Variants in SLC38A11 observed in about 807,000 individuals in gnomAD.
The protein encoded by SLC38A11 is solute carrier family 38 member 11.
A neutral mutation model predicts 49.4 loss-of-function variants in SLC38A11; 51 were observed. The ratio of observed to expected loss-of-function variants is 1.03; its 90% CI spans 0.83 to 1.30. The LOEUF (loss-of-function observed/expected upper bound fraction) is 1.30, where lower values mean the gene tolerates loss of function less well. Ranked by LOEUF, SLC38A11 falls within the 50% of genes most tolerant of loss-of-function variation. The probability of loss-of-function intolerance (pLI) is 0.00; values close to 1 mark genes in which losing one functional copy is unlikely to be tolerated. For synonymous variants in SLC38A11, 203 were observed against 192.9 expected (o/e 1.05, Z -0.43); for missense variants, 574 against 556.2 (o/e 1.03, Z -0.32).
intron 1 of SLC38A11, 81 bp downstream of exon 1, chr2:164,955,128 A>AGGTAGGTGAC: frequency 4.5e-6 from 6 of 1,329,572 alleles, no homozygotes; most frequent in Non-Finnish European, 6.3e-6. Context: ...GCCCAGGTGA[A>AGGTAGGTGAC]GGTAGGTGAC....
intron 3 of SLC38A11, among the ~76,000 whole-genome samples, chr2:164,946,591 A>G (rs1461301092): frequency 1.3e-5 from 2 of 149,200 alleles, no homozygotes; most frequent in South Asian, 4.2e-4. Flanking sequence ...AAAAATTTGC[A>G]TTTTAAGAAA....
intron 6 of SLC38A11, among the ~76,000 whole-genome samples, chr2:164,938,687 A>T (rs1687540895): frequency 6.6e-6 from 1 of 152,218 alleles, no homozygotes; most frequent in Non-Finnish European, 1.5e-5. Flanking sequence ...TCATAAATAG[A>T]TACACAACAT....
chr2:164,903,352 T>C (rs1386658083), intron 11 of SLC38A11, among the ~76,000 whole-genome samples: 1 of 152,206 alleles, frequency 6.6e-6, no homozygotes, highest in East Asian at 1.9e-4. Flanking sequence ...TTTGGTACTC[T>C]TCCAAACTTA....
chr2:164,936,978 C>T (rs531818933), intron 7 of SLC38A11, among the ~76,000 whole-genome samples: 1 of 152,228 alleles, frequency 6.6e-6, no homozygotes, highest in African/African-American at 2.4e-5. Flanking sequence ...AAAGTGTTCA[C>T]ATTTTGTTTA....
chr2:164,940,905 A>C (rs1445955342), intron 5 of SLC38A11, among the ~76,000 whole-genome samples: 1 of 152,022 alleles, frequency 6.6e-6, no homozygotes, highest in Non-Finnish European at 1.5e-5. Context: ...CAATTCCAAA[A>C]TCCATGCACT....
chr2:164,939,537 A>G lies in SLC38A11; in HGVS notation c.450T>C (p.Phe150=). The G allele has an allele frequency of 6.2e-7, 1 of 1,609,486 alleles. No homozygotes were observed. Among genetic ancestry groups the G allele is most frequent in the Non-Finnish European group, 8.5e-7 (1 of 1,176,972 alleles). The stretch of plus-strand genomic sequence containing the variant: ...GTCCAATAATGAAGTGGCGACCAAT[A>G]AACACGTTTTCAGGATCAACTAAAA... ...RIPGVDPENV[F]IGRHFIIGLS... is the part of the protein sequence containing the mutation. Residue 150 remains phenylalanine (F), a synonymous_variant, in exon 6 of 12, where the codon TTT becomes TTC. Coordinates refer to ENST00000685975, the MANE Select transcript of SLC38A11 (RefSeq NM_001351537.2).
chr2:164,906,190 T>A (rs996248257), intron 11 of SLC38A11, among the ~76,000 whole-genome samples: 4 of 152,016 alleles, frequency 2.6e-5, no homozygotes, highest in African/African-American at 9.7e-5. Context: ...TCCTAAAATA[T>A]CAACAAACAA....
At chr2:164,937,504 T>A in intron 6 of SLC38A11, 75 bp from the exon 7 acceptor site, 1 of 987,324 alleles carries the variant, frequency 1.0e-6, no homozygotes, top group Non-Finnish European at 1.6e-6. Flanking sequence ...GTCTTTCTCA[T>A]TTTTAATTGG....
intron 7 of SLC38A11, among the ~76,000 whole-genome samples, chr2:164,933,156 A>T (rs1373505531): frequency 6.6e-6 from 1 of 152,056 alleles, no homozygotes. Context: ...ATGTCATATG[A>T]GGGGAAAATA....
intron 5 of SLC38A11, among the ~76,000 whole-genome samples, chr2:164,942,962 G>A (rs1423586675): frequency 6.6e-6 from 1 of 152,220 alleles, no homozygotes; most frequent in African/African-American, 2.4e-5. Flanking sequence ...TCTGTGATTT[G>A]ATAGCTATGT....
At chr2:164,951,376 G>A (rs953590815) in intron 3 of SLC38A11, among the ~76,000 whole-genome samples, 13 of 151,796 alleles carry the variant, frequency 8.6e-5, no homozygotes, top group African/African-American at 3.1e-4. Flanking sequence ...TTTTTTTAGT[G>A]TAATAAATGC....
intron 11 of SLC38A11, among the ~76,000 whole-genome samples, chr2:164,901,674 A>T (rs1249042942): frequency 2.0e-5 from 3 of 152,198 alleles, no homozygotes; most frequent in Non-Finnish European, 4.4e-5. Flanking sequence ...GGGATTTTCC[A>T]CATATAGAAT....
chr2:164,918,750 T>C (rs2105468134), intron 7 of SLC38A11, among the ~76,000 whole-genome samples: 1 of 152,336 alleles, frequency 6.6e-6, no homozygotes, highest in African/African-American at 2.4e-5. Flanking sequence ...GCAAGGTTAC[T>C]GGATACAAGT....
intron 5 of SLC38A11, 43 bp from the exon 6 acceptor site, chr2:164,939,599 A>T (rs1425278292): frequency 7.4e-7 from 1 of 1,345,800 alleles, no homozygotes; most frequent in Non-Finnish European, 1.1e-6. Flanking sequence ...GGTATAAGTA[A>T]CACATTGGTG....
chr2:164,926,692 G>A (rs1431785898), intron 7 of SLC38A11, among the ~76,000 whole-genome samples: 1 of 152,062 alleles, frequency 6.6e-6, no homozygotes, highest in Non-Finnish European at 1.5e-5. Context: ...CATAAAAAAG[G>A]ATGAGTTCAT....
intron 3 of SLC38A11, among the ~76,000 whole-genome samples, chr2:164,946,091 G>A (rs971004930): frequency 2.6e-5 from 4 of 152,098 alleles, no homozygotes; most frequent in Admixed American, 1.3e-4. Flanking sequence ...ATAGGATGTA[G>A]GTAATCAAAT....
chr2:164,929,778 C>A (rs1326525985), intron 7 of SLC38A11, among the ~76,000 whole-genome samples: 2 of 151,996 alleles, frequency 1.3e-5, no homozygotes, highest in East Asian at 3.9e-4. Context: ...ATAATTTATA[C>A]ATCATCAAAA....
chr2:164,944,288 AG>A (rs1687965051), intron 5 of SLC38A11, among the ~76,000 whole-genome samples: 2 of 152,232 alleles, frequency 1.3e-5, no homozygotes. Context: ...ATGTTTGCCC[AG>A]AGAGCTGGTG....
At chr2:164,911,427 C>T (rs991426816) in intron 10 of SLC38A11, among the ~76,000 whole-genome samples, 1 of 152,032 alleles carries the variant, frequency 6.6e-6, no homozygotes, top group Non-Finnish European at 1.5e-5. Flanking sequence ...AATTTTCAAA[C>T]CGAACTTTTG....
Sources: gnomAD v4.1 joint callset for allele counts (sites outside exome capture counted in the v4.1 genomes callset) on GRCh38, gnomAD v4.1.1 for gene constraint, MANE v1.5 for transcripts, NCBI Gene and HGNC (gene_info 2026-07-23, HGNC 2026-07-21) for gene names.